The following SYN3 variants were observed in gnomAD, a reference collection of about 807,000 sequenced individuals.
SYN3 encodes the protein synapsin-3.
SYN3 carries 35 observed loss-of-function variants against 65.8 expected under a neutral mutation model. The observed-to-expected ratio is 0.53, with a 90% CI of 0.41 to 0.70. SYN3 has a LOEUF of 0.70. SYN3 is among the 30% of genes least tolerant of loss of function. The pLI is 0.00. For missense variants in SYN3, 680 were observed against 749.0 expected (o/e 0.91, Z 1.08); for synonymous variants, 270 against 292.9 (o/e 0.92, Z 0.80).
At chr22:32,678,554 A>T (rs35905336) in intron 6 of SYN3, among the ~76,000 whole-genome samples, 3 of 141,712 alleles carry the variant, frequency 2.1e-5, no homozygotes, top group Non-Finnish European at 4.6e-5. Flanking sequence ...CTCCTCCTTC[A>T]TCCTCCTCCT....
Position 32,945,030 on chromosome 22 carries a change from C to A in SYN3, c.370-13549G>T, listed in dbSNP as rs57832939. The stretch of plus-strand genomic sequence containing the variant: ...AGGAGAACTACAAACCACTGCTCAA[C>A]GAAATAAAGGAGGACACAAACAAAT... On this transcript the variant is annotated intron_variant, in intron 3 of 13. Coordinates refer to ENST00000358763, the MANE Select transcript of SYN3 (RefSeq NM_003490.4). Among the ~76,000 whole-genome samples the A allele has an allele frequency of 5.9e-5, 9 of 152,060 alleles. No homozygotes were observed. The East Asian group carries it at 1.7e-3, about 29-fold the overall frequency.
At chr22:32,958,487 T>C (rs978643075) in intron 3 of SYN3, among the ~76,000 whole-genome samples, 4 of 152,218 alleles carry the variant, frequency 2.6e-5, no homozygotes, top group African/African-American at 9.6e-5. Flanking sequence ...CTAGTAGTAA[T>C]AGCACTAGAT....
intron 6 of SYN3, among the ~76,000 whole-genome samples, chr22:32,614,526 G>A (rs1474973778): frequency 3.9e-5 from 6 of 152,162 alleles, no homozygotes; most frequent in Non-Finnish European, 1.5e-5. Flanking sequence ...GAGTGGACAG[G>A]GGGATGAACC....
rs926551433 is a variant in SYN3 at position 32,912,841 on chromosome 22, T to G, written c.461+18549A>C. ...AGATCAGTGGTTGCCAAGGTTTGGG[T>G]GGAAGGAGTGATAAACAGGTGGAAT... On this transcript the variant is annotated intron_variant, in intron 4 of 13. Transcript: ENST00000358763. 4.6e-4 allele frequency among the ~76,000 whole-genome samples: 70 copies of G among 151,668 alleles called. 1 individual carries two copies. The highest frequency in any genetic ancestry group is 1.6e-3 in the African/African-American group (67 of 41,262).
rs1308008791 is a variant in SYN3, at chr22:32,933,832, AAAC to A, written c.370-2354_370-2352del. On this transcript the variant is annotated intron_variant, in intron 3 of 13. Coordinates refer to ENST00000358763, the MANE Select transcript of SYN3 (RefSeq NM_003490.4). ...ATAACTGGGAATTTTAGGGACCTAAAAACAACCCATTTAAAGAAAAAAGTTTAC... is the reference window on the plus strand; with the variant it reads ...ATAACTGGGAATTTTAGGGACCTAAAAACCCATTTAAAGAAAAAAGTTTAC... Among the ~76,000 whole-genome samples, 5 of 152,306 alleles carry A rather than the reference AAAC, an allele frequency of 3.3e-5. No homozygotes were observed. The East Asian group carries it at 9.6e-4, about 29-fold the overall frequency.
At chr22:32,578,378 C>G (rs1161872380) in intron 7 of SYN3, among the ~76,000 whole-genome samples, 3 of 151,992 alleles carry the variant, frequency 2.0e-5, no homozygotes, top group African/African-American at 7.3e-5. Context: ...TCCCAGGTAT[C>G]CAGGACAACA....
chr22:32,850,497 G>C (rs1457949954), intron 6 of SYN3, among the ~76,000 whole-genome samples: 1 of 152,122 alleles, frequency 6.6e-6, no homozygotes, highest in Non-Finnish European at 1.5e-5. Flanking sequence ...CTCAGCAACT[G>C]GTTCATCACC....
intron 6 of SYN3, among the ~76,000 whole-genome samples, chr22:32,663,064 C>T (rs902444671): frequency 1.3e-5 from 2 of 152,146 alleles, no homozygotes; most frequent in African/African-American, 2.4e-5. Context: ...CTTACTTACT[C>T]AACAGTAAGC....
chr22:32,637,898 CA>C (rs2059841258), intron 6 of SYN3, among the ~76,000 whole-genome samples: 1 of 152,126 alleles, frequency 6.6e-6, no homozygotes, highest in Admixed American at 6.5e-5. Flanking sequence ...CTTGGCCTCC[CA>C]AAGTGCTAGG....
chr22:32,876,639 A>G (rs1041954702), intron 4 of SYN3, among the ~76,000 whole-genome samples: 3 of 152,218 alleles, frequency 2.0e-5, no homozygotes, highest in Non-Finnish European at 4.4e-5. Flanking sequence ...CAATCAGGAA[A>G]AAAACAATGA....
chr22:32,531,368 C>T (rs980972908), intron 10 of SYN3, among the ~76,000 whole-genome samples: 1 of 151,970 alleles, frequency 6.6e-6, no homozygotes, highest in African/African-American at 2.4e-5. Flanking sequence ...CCCCCTGCCC[C>T]TGCCAACCCC....
intron 2 of SYN3, among the ~76,000 whole-genome samples, chr22:33,000,147 C>A (rs989786221): frequency 2.0e-5 from 3 of 152,150 alleles, no homozygotes; most frequent in Non-Finnish European, 4.4e-5. Context: ...GGGAGGATCG[C>A]TTCAGCCCAG....
intron 6 of SYN3, among the ~76,000 whole-genome samples, chr22:32,703,823 T>A (rs1362446616): frequency 1.3e-5 from 2 of 152,178 alleles, no homozygotes; most frequent in African/African-American, 4.8e-5. Context: ...ATCAGGAGAT[T>A]GGCTTTATTA....
At chr22:33,041,432 A>G (rs890199152) in intron 1 of SYN3, among the ~76,000 whole-genome samples, 1 of 151,458 alleles carries the variant, frequency 6.6e-6, no homozygotes, top group African/African-American at 2.4e-5. Flanking sequence ...CTGGGACTAC[A>G]GCTGGGTGCC....
rs1289223841 is a variant in SYN3 at position 32,604,119 on chromosome 22, A to G, written c.712-7383T>C. 4.6e-5 allele frequency among the ~76,000 whole-genome samples: 7 copies of G among 152,364 alleles called. No homozygotes were observed. In the South Asian group the frequency reaches 1.5e-3, roughly 32 times the overall value. On this transcript the variant is annotated intron_variant, in intron 6 of 13. Coordinates refer to ENST00000358763, the MANE Select transcript of SYN3 (RefSeq NM_003490.4). ...AACAGGACTTTAGAGTGGCCCGGAC[A>G]GCCTCCCACCAAAGGAGGCAACTCC...
intron 4 of SYN3, among the ~76,000 whole-genome samples, chr22:32,883,600 C>T (rs145892051): frequency 3.9e-5 from 6 of 152,320 alleles, no homozygotes; most frequent in African/African-American, 1.2e-4. Context: ...GAAGTGCCCA[C>T]CTGGGTTTGG....
At chr22:32,602,753 C>G (rs972097002) in intron 6 of SYN3, among the ~76,000 whole-genome samples, 31 of 152,300 alleles carry the variant, frequency 2.0e-4, no homozygotes, top group African/African-American at 5.5e-4. Flanking sequence ...AGCTACCGCG[C>G]CCAGCCAATC....
chr22:32,790,781 T>A (rs2046308804), intron 6 of SYN3, among the ~76,000 whole-genome samples: 1 of 152,064 alleles, frequency 6.6e-6, no homozygotes, highest in Non-Finnish European at 1.5e-5. Flanking sequence ...CCCGAATGTA[T>A]AACAATAGGC....
chr22:33,009,751 A>AACACACACACAC lies in SYN3; in HGVS notation c.-162-2939_-162-2928dup, dbSNP rs58156623. Reference sequence around the variant, plus strand: ...ATATCCTTTCATATATACGTATCTAAACACACACACACACACACACACACA... The same window carrying AACACACACACAC: ...ATATCCTTTCATATATACGTATCTAAACACACACACACACACACACACACACACACACACACA... On this transcript the variant is annotated intron_variant, in intron 1 of 13. Transcript: ENST00000358763. 8.2e-4 allele frequency among the ~76,000 whole-genome samples: 116 copies of AACACACACACAC among 141,234 alleles called. 1 individual carries two copies. Among genetic ancestry groups the AACACACACACAC allele is most frequent in the South Asian group, 1.4e-3 (6 of 4,256 alleles). The allele number at this position is 141,234 out of a possible 152,430, so 92.7% of individuals were successfully genotyped here.
Sources: gnomAD v4.1 joint callset for allele counts (sites outside exome capture counted in the v4.1 genomes callset) on GRCh38, gnomAD v4.1.1 for gene constraint, MANE v1.5 for transcripts, NCBI Gene and HGNC (gene_info 2026-07-23, HGNC 2026-07-21) for gene names.